PAXBP1: variants seen among roughly 807,000 people sequenced by gnomAD.
The protein encoded by PAXBP1 is PAX3 and PAX7 binding protein 1, also known as PAX3- and PAX7-binding protein 1.
Under a neutral mutation model 119.9 loss-of-function variants are expected in PAXBP1, and 44 were observed. The observed-to-expected ratio is 0.37, with a 90% CI of 0.29 to 0.47. PAXBP1 has a LOEUF of 0.47. Among genes scored for constraint, PAXBP1 ranks in the 20% least tolerant of loss-of-function variants. The probability of loss-of-function intolerance (pLI) is 0.99; values close to 1 mark genes in which losing one functional copy is unlikely to be tolerated. For missense variants in PAXBP1, 898 were observed against 1,134.1 expected (o/e 0.79, Z 2.99); for synonymous variants, 393 against 406.6 (o/e 0.97, Z 0.40).
chr21:32,736,791 A>C (rs1468889977), intron 17 of PAXBP1, among the ~76,000 whole-genome samples: 1 of 152,224 alleles, frequency 6.6e-6, no homozygotes, highest in Non-Finnish European at 1.5e-5. Flanking sequence ...AGAAAGGCTA[A>C]TGGTTCACTC....
intron 15 of PAXBP1, among the ~76,000 whole-genome samples, chr21:32,739,937 T>TAAA (rs1569153930): frequency 3.2e-5 from 2 of 62,784 alleles, no homozygotes; most frequent in African/African-American, 5.8e-5. Flanking sequence ...CCTCGTCTCT[T>TAAA]TAAAAAAAAA....
At chr21:32,736,456 G>A (rs1328180811) in intron 17 of PAXBP1, among the ~76,000 whole-genome samples, 1 of 152,048 alleles carries the variant, frequency 6.6e-6, no homozygotes, top group Non-Finnish European at 1.5e-5. Flanking sequence ...CAAAGTACTG[G>A]GATTACAGGC....
chr21:32,759,020 G>A (rs2044090952), intron 7 of PAXBP1, 60 bp downstream of exon 7: 1 of 1,497,626 alleles, frequency 6.7e-7, no homozygotes, highest in Admixed American at 1.8e-5. Context: ...TCTACACAAG[G>A]CCATCTAGAC....
At position 32,771,434 on chromosome 21, in the gene PAXBP1, A is replaced by G; in HGVS notation, c.235T>C (p.Phe79Leu). 1 of 1,523,294 alleles carries G rather than the reference A, an allele frequency of 6.6e-7. No individual in the cohort carries two copies. The highest frequency in any genetic ancestry group is 8.7e-7 in the Non-Finnish European group (1 of 1,145,088). 94.4% of individuals were successfully genotyped at this position (1,523,294 alleles called of 1,614,324 possible). A position where few individuals can be genotyped will look rare whatever the true frequency, so the allele number is the denominator to read the frequency against. Residue 79 changes from phenylalanine to leucine, a missense_variant, in exon 1 of 18, where the codon TTC becomes CTC. Transcript: ENST00000331923. ...TTGCCGGGCTCCGCGCCGCCGGGGA[A>G]GCCGCCCCCGGCCTCAGCCCCGAGG... is the stretch of plus-strand genomic sequence containing the variant. ...PGLGAEAGGG[F>L]PGGAEPGNGL...
At chr21:32,736,661 T>C (rs1045612083) in intron 17 of PAXBP1, among the ~76,000 whole-genome samples, 3 of 152,186 alleles carry the variant, frequency 2.0e-5, no homozygotes, top group Admixed American at 2.0e-4. Context: ...TATGAAGATA[T>C]ATGAAATTAA....
chr21:32,744,615 G>GA (rs879465630), intron 13 of PAXBP1, among the ~76,000 whole-genome samples, 177 bp downstream of exon 13: 40 of 147,240 alleles, frequency 2.7e-4, no homozygotes, highest in East Asian at 5.9e-4. Context: ...ATAAAAAAAA[G>GA]AAAAAAAAAA....
intron 8 of PAXBP1, among the ~76,000 whole-genome samples, chr21:32,754,157 G>A (rs1251745013): frequency 6.6e-6 from 1 of 152,152 alleles, no homozygotes; most frequent in South Asian, 2.1e-4. Flanking sequence ...ACATATAGGA[G>A]GATGCTTTTT....
intron 15 of PAXBP1, 105 bp from the exon 16 acceptor site, chr21:32,738,424 G>C: frequency 1.2e-6 from 1 of 864,754 alleles, no homozygotes; most frequent in Non-Finnish European, 1.8e-6. Flanking sequence ...ACCATGTCTT[G>C]CCAAAGTACT....
rs1275597019 is a variant in PAXBP1, at chr21:32,759,231, T to C, written c.1232A>G (p.Gln411Arg). 6.2e-7 allele frequency: 1 copy of C among 1,613,924 alleles called. No homozygotes were observed. Among genetic ancestry groups the C allele is most frequent in the African/African-American group, 1.3e-5 (1 of 74,922 alleles). ...SMKELHKTNR[Q>R]QHEKHLQSRV... ...GCTTTGCAGATGTTTCTCATGCTGC[T>C]GTCGATTTGTTTTGTGCAATTCTTT... is the stretch of plus-strand genomic sequence containing the variant. Residue 411 changes from glutamine (Q) to arginine (R), a missense_variant, in exon 7 of 18, where the codon CAG (glutamine) becomes CGG (arginine). This residue lies in a region of PAXBP1 where 599 missense variants were observed against 852.7 expected (regional missense o/e 0.70). Transcript: ENST00000331923.
At chr21:32,769,153 C>T (rs2044291315) in intron 2 of PAXBP1, among the ~76,000 whole-genome samples, 1 of 152,138 alleles carries the variant, frequency 6.6e-6, no homozygotes. Context: ...TCATGATTTT[C>T]TCATTAATTC....
chr21:32,741,649 G>A, intron 15 of PAXBP1: 1 of 691,122 alleles, frequency 1.4e-6, no homozygotes, highest in East Asian at 2.7e-5. Context: ...TAGGTCAGAT[G>A]TTTTATGGCC....
intron 13 of PAXBP1, 135 bp from the exon 14 acceptor site, chr21:32,743,889 C>G (rs1472182244): frequency 1.8e-6 from 1 of 571,074 alleles, no homozygotes; most frequent in African/African-American, 1.9e-5. Context: ...TCATTGAAGA[C>G]CCTAAAGTAA....
At chr21:32,750,868 A>G in intron 10 of PAXBP1, 49 bp downstream of exon 10, 1 of 1,371,488 alleles carries the variant, frequency 7.3e-7, no homozygotes. Context: ...ACCATACCCA[A>G]GTAGAAACTA....
intron 11 of PAXBP1, among the ~76,000 whole-genome samples, chr21:32,747,861 C>T (rs937839294): frequency 2.0e-5 from 3 of 151,498 alleles, no homozygotes; most frequent in African/African-American, 7.3e-5. Flanking sequence ...AATCATAGCT[C>T]ATTACAGCCT....
At chr21:32,753,018 A>C (rs1314109488) in intron 8 of PAXBP1, among the ~76,000 whole-genome samples, 6 of 152,078 alleles carry the variant, frequency 3.9e-5, no homozygotes, top group Non-Finnish European at 1.5e-5. Flanking sequence ...TGAGTGCATC[A>C]ATTACAATGA....
intron 15 of PAXBP1, chr21:32,742,427 G>A (rs2043801067): frequency 6.6e-6 from 1 of 152,088 alleles, no homozygotes; most frequent in Non-Finnish European, 1.5e-5. Context: ...TTCACCTCAG[G>A]GCTAACTTCT....
rs1010487862 is a variant in PAXBP1 at position 32,738,250 on chromosome 21, C to T, written c.2404G>A (p.Gly802Ser). ...NKTLQELSID[G>S]LLNRYILMAF... ...ATGAGAATATATCGATTTAATAAACCATCTATTGATAACTCTTGCAGAGTT... is the reference window on the plus strand; with the variant it reads ...ATGAGAATATATCGATTTAATAAACTATCTATTGATAACTCTTGCAGAGTT... Residue 802 changes from glycine to serine, a missense_variant, in exon 16 of 18, where the codon GGT becomes AGT. Around this residue, in one of 2 missense-constraint regions of PAXBP1, gnomAD observed 599 missense variants for 852.7 expected, o/e 0.70. Transcript: ENST00000331923. 6.2e-7 allele frequency: 1 copy of T among 1,602,424 alleles called. No homozygotes were observed. Among genetic ancestry groups the T allele is most frequent in the Non-Finnish European group, 8.5e-7 (1 of 1,176,364 alleles).
Position 32,747,676 on chromosome 21 carries a change from C to T in PAXBP1, c.1923+823G>A, listed in dbSNP as rs113822444. On this transcript the variant is annotated intron_variant, in intron 11 of 17. Transcript: ENST00000331923. ...TCAACCATGTCTACAGCTTCACCCA[C>T]GTTGGTAACTTCTAAAACCACATTG... Among the ~76,000 whole-genome samples, 841 of 152,296 alleles carry T rather than the reference C, an allele frequency of 5.5e-3. 14 individuals are homozygous for T. Among genetic ancestry groups the T allele is most frequent in the African/African-American group, 0.019 (787 of 41,572 alleles).
intron 15 of PAXBP1, among the ~76,000 whole-genome samples, chr21:32,740,835 A>G (rs899722573): frequency 3.9e-5 from 6 of 152,208 alleles, no homozygotes; most frequent in African/African-American, 1.4e-4. Context: ...AAATCTGCAA[A>G]TCATTTATAT....
Sources: gnomAD v4.1 joint callset for allele counts (sites outside exome capture counted in the v4.1 genomes callset) on GRCh38, gnomAD v4.1.1 for gene constraint, gnomAD v4.1.1 regional missense constraint, MANE v1.5 for transcripts, NCBI Gene and HGNC (gene_info 2026-07-23, HGNC 2026-07-21) for gene names.